Variants in TENM3 observed in about 807,000 individuals in gnomAD.
TENM3 encodes teneurin transmembrane protein 3.
A neutral mutation model predicts 255.1 loss-of-function variants in TENM3; 63 were observed. That is an observed-to-expected ratio of 0.25 (90% CI 0.20 to 0.30). The LOEUF (loss-of-function observed/expected upper bound fraction) is 0.30, where lower values mean the gene tolerates loss of function less well. Ranked by LOEUF, TENM3 falls within the 10% of genes least tolerant of loss-of-function variation. The pLI, the probability that TENM3 is intolerant of heterozygous loss-of-function variation, is 1.00. For synonymous variants in TENM3, 1,306 were observed against 1,322.3 expected, an observed-to-expected ratio of 0.99 and a Z score of 0.27; for missense variants, 2,929 against 3,461.1, an observed-to-expected ratio of 0.85 and a Z score of 3.86.
chr4:181,494,695 T>C, the TENM3 span, among the ~76,000 whole-genome samples: 19,084 of 152,206 alleles, frequency 0.13, 1,335 homozygotes, highest in East Asian at 0.16. Context: ...ATTATGAAGT[T>C]CTTCATAATT....
chr4:182,464,864 AT>A (rs1310573929), intron 3 of TENM3, among the ~76,000 whole-genome samples: 1 of 152,032 alleles, frequency 6.6e-6, no homozygotes, highest in African/African-American at 2.4e-5. Context: ...GACTAATAAA[AT>A]TTTTTTGCTT....
In TENM3 at chr4:182,339,055, G is replaced by A. The variant is rs140684443; in HGVS notation, c.233-7596G>A. On this transcript the variant is annotated intron_variant, in intron 2 of 27. Coordinates refer to ENST00000511685, the MANE Select transcript of TENM3 (RefSeq NM_001080477.4). The stretch of plus-strand genomic sequence containing the variant: ...TTCCCCAGTGTTCCCCCTCACCTCT[G>A]TCATCAGACAAAAACGAAAGGAATC... 1.8e-3 allele frequency among the ~76,000 whole-genome samples: 272 copies of A among 152,180 alleles called. 1 individual carries two copies. Among genetic ancestry groups the A allele is most frequent in the African/African-American group, 6.3e-3 (263 of 41,514 alleles).
the TENM3 span, among the ~76,000 whole-genome samples, chr4:181,915,518 G>A: frequency 6.6e-6 from 1 of 152,008 alleles, no homozygotes; most frequent in African/African-American, 2.4e-5. Context: ...TGCTGTAAAA[G>A]TGATTCAAAG....
chr4:181,986,863 A>G, the TENM3 span, among the ~76,000 whole-genome samples: 1 of 152,126 alleles, frequency 6.6e-6, no homozygotes, highest in Non-Finnish European at 1.5e-5. Context: ...GTTTATTTGC[A>G]TAATATTTAG....
In TENM3 at chr4:182,653,781, C is replaced by G. The variant is rs1289431044; in HGVS notation, c.999C>G (p.Leu333=). ...ILLSYFIAMH[L]FGLNWQLQQT... ...GTTCTTTACCCCCAGCAATGCATCT[C>G]TTTGGCCTCAACTGGCAGCTACAGC... The change falls in exon 6 of 28, where the codon CTC becomes CTG. Residue 333 remains leucine, a synonymous_variant. Coordinates refer to ENST00000511685, the MANE Select transcript of TENM3 (RefSeq NM_001080477.4). 1 of 1,611,086 alleles carries G rather than the reference C, an allele frequency of 6.2e-7. No homozygotes were observed. The highest frequency in any genetic ancestry group is 1.1e-5 in the South Asian group (1 of 90,588).
the TENM3 span, among the ~76,000 whole-genome samples, chr4:181,951,383 A>G: frequency 2.4e-4 from 36 of 152,216 alleles, no homozygotes; most frequent in Non-Finnish European, 4.0e-4. Flanking sequence ...AGTGCTAGAA[A>G]CAGGAGCTTT....
At chr4:182,756,357 T>A (rs1762745597) in intron 22 of TENM3, among the ~76,000 whole-genome samples, 1 of 152,104 alleles carries the variant, frequency 6.6e-6, no homozygotes, top group Admixed American at 6.5e-5. Flanking sequence ...CACTGTGCTG[T>A]CTGAACAGTC....
chr4:182,172,809 T>C (rs1752197202), intron 1 of TENM3, among the ~76,000 whole-genome samples: 1 of 152,198 alleles, frequency 6.6e-6, no homozygotes, highest in Admixed American at 6.5e-5. Context: ...ACCAGGGTGG[T>C]AAAGATCTTG....
chr4:182,466,832 T>C (rs1294922094), intron 3 of TENM3, among the ~76,000 whole-genome samples: 20 of 146,476 alleles, frequency 1.4e-4, no homozygotes, highest in Non-Finnish European at 2.4e-4. Flanking sequence ...GGTAAAAAAA[T>C]GCTTCTCTTT....
intron 1 of TENM3, among the ~76,000 whole-genome samples, chr4:182,256,884 C>T (rs1758438450): frequency 6.6e-6 from 1 of 151,714 alleles, no homozygotes; most frequent in Admixed American, 6.6e-5. Flanking sequence ...CTCTTTTCTT[C>T]TTTCAAACAC....
At chr4:181,632,079 T>C in the TENM3 span, among the ~76,000 whole-genome samples, 1 of 152,166 alleles carries the variant, frequency 6.6e-6, no homozygotes, top group Non-Finnish European at 1.5e-5. Context: ...TTCACACTGC[T>C]ATAAAGAACT....
chr4:182,321,026 T>C (rs1454064330), intron 1 of TENM3, among the ~76,000 whole-genome samples: 2 of 152,240 alleles, frequency 1.3e-5, no homozygotes, highest in African/African-American at 4.8e-5. Context: ...ACTTTTATAA[T>C]GACTTCAAAT....
chr4:182,051,462 C>G, the TENM3 span, among the ~76,000 whole-genome samples: 1 of 150,942 alleles, frequency 6.6e-6, no homozygotes, highest in Non-Finnish European at 1.5e-5. Flanking sequence ...ACTGCAACCT[C>G]CGCCTCCTGG....
the TENM3 span, among the ~76,000 whole-genome samples, chr4:181,944,515 T>C: frequency 3.3e-5 from 5 of 152,096 alleles, no homozygotes; most frequent in African/African-American, 1.2e-4. Flanking sequence ...CCAGAAATAA[T>C]GTTTCACCAG....
the TENM3 span, among the ~76,000 whole-genome samples, chr4:182,016,796 T>C: frequency 6.6e-6 from 1 of 152,216 alleles, no homozygotes; most frequent in South Asian, 2.1e-4. Flanking sequence ...ACCTCGAAGT[T>C]TGTTATTAGT....
At chr4:181,622,868 A>C in the TENM3 span, among the ~76,000 whole-genome samples, 2 of 152,106 alleles carry the variant, frequency 1.3e-5, no homozygotes, top group Non-Finnish European at 1.5e-5. Context: ...TACCGAGTGA[A>C]GTCATTATGC....
the TENM3 span, among the ~76,000 whole-genome samples, chr4:181,628,518 T>C: frequency 2.0e-5 from 3 of 152,224 alleles, no homozygotes; most frequent in Admixed American, 6.5e-5. Flanking sequence ...GTATAAGGTG[T>C]AAGGAAGGGA....
chr4:182,547,564 C>A (rs935231833), intron 3 of TENM3, among the ~76,000 whole-genome samples: 1 of 152,120 alleles, frequency 6.6e-6, no homozygotes, highest in Non-Finnish European at 1.5e-5. Context: ...ATCCCATCTT[C>A]ATGACAATCA....
chr4:181,861,126 G>A, the TENM3 span, among the ~76,000 whole-genome samples: 45 of 152,064 alleles, frequency 3.0e-4, no homozygotes, highest in Non-Finnish European at 5.6e-4. Flanking sequence ...TTGAAAATAC[G>A]TTATTATCTT....
Sources: gnomAD v4.1 joint callset for allele counts (sites outside exome capture counted in the v4.1 genomes callset) on GRCh38, gnomAD v4.1.1 for gene constraint, MANE v1.5 for transcripts, NCBI Gene and HGNC (gene_info 2026-07-23, HGNC 2026-07-21) for gene names.